The following LCMT1 variants were observed in gnomAD, a reference collection of about 807,000 sequenced individuals.
The protein encoded by LCMT1 is [Phosphatase 2A protein]-leucine-carboxy methyltransferase 1.
LCMT1 carries 32 observed loss-of-function variants against 47.7 expected under a neutral mutation model. The observed-to-expected ratio is 0.67, with a 90% confidence interval of 0.51 to 0.90. The LOEUF (loss-of-function observed/expected upper bound fraction) is 0.90, where lower values mean the gene tolerates loss of function less well. Among genes scored for constraint, LCMT1 ranks in the 40% least tolerant of loss-of-function variants. The probability of loss-of-function intolerance (pLI) is 0.00; values close to 1 mark genes in which losing one functional copy is unlikely to be tolerated. For synonymous variants in LCMT1, 152 were observed against 149.7 expected, an observed-to-expected ratio of 1.02 and a Z score of -0.11; for missense variants, 375 against 415.2, an observed-to-expected ratio of 0.90 and a Z score of 0.84.
At chr16:25,136,090 C>CAA (rs36051960) in intron 3 of LCMT1, among the ~76,000 whole-genome samples, 2,749 of 68,982 alleles carry the variant, frequency 0.04, 64 homozygotes, top group Middle Eastern at 0.046. Context: ...GATGCTGTCT[C>CAA]AAAAAAAAAA....
At chr16:25,145,365 C>T (rs1960818045) in intron 4 of LCMT1, 1 of 152,210 alleles carries the variant, frequency 6.6e-6, no homozygotes, top group South Asian at 2.1e-4. Context: ...AGGCTTAGCT[C>T]CCTGCATTCC....
At chr16:25,122,623 C>T (rs1960027132) in intron 1 of LCMT1, among the ~76,000 whole-genome samples, 1 of 151,882 alleles carries the variant, frequency 6.6e-6, no homozygotes, top group South Asian at 2.1e-4. Context: ...GCCACTGCTT[C>T]CAGCCCTTGT....
At chr16:25,137,386 G>A (rs751054009) in intron 3 of LCMT1, among the ~76,000 whole-genome samples, 3 of 152,186 alleles carry the variant, frequency 2.0e-5, no homozygotes, top group African/African-American at 7.2e-5. Context: ...GCAGGCATGG[G>A]CTATACCTCT....
chr16:25,126,838 A>G (rs2141641258), intron 1 of LCMT1, among the ~76,000 whole-genome samples: 1 of 152,322 alleles, frequency 6.6e-6, no homozygotes, highest in East Asian at 1.9e-4. Context: ...TGGTTCTTGC[A>G]CGGGATGTTA....
In LCMT1 at chr16:25,115,693, T is replaced by C. The variant is rs116758984; in HGVS notation, c.113+3697T>C. On this transcript the variant is annotated intron_variant, in intron 1 of 10. Coordinates refer to ENST00000399069, the MANE Select transcript of LCMT1 (RefSeq NM_016309.3). ...CCCCAGAAACTTTGTTTGTTTTGTT[T>C]TGAGAGGGAGTTTGGCTGTTGTTGC... Among the ~76,000 whole-genome samples the C allele has an allele frequency of 5.3e-3, 814 of 152,310 alleles. 12 individuals are homozygous for C. Among genetic ancestry groups the C allele is most frequent in the African/African-American group, 0.019 (778 of 41,554 alleles).
In LCMT1 at chr16:25,140,253, T is replaced by C. The variant is rs200277137; in HGVS notation, c.404+6T>C. 2 of 1,586,280 alleles carry C rather than the reference T, an allele frequency of 1.3e-6. No homozygotes were observed. The highest frequency in any genetic ancestry group is 4.5e-5 in the East Asian group (2 of 44,190). ...AGAAAGCTGCACAGTATCAAGTAAGTGTGGCATGGCCAGAAGAACAAAAGC... is the reference window on the plus strand; with the variant it reads ...AGAAAGCTGCACAGTATCAAGTAAGCGTGGCATGGCCAGAAGAACAAAAGC... On this transcript the variant is annotated splice_donor_region_variant and intron_variant, in intron 4 of 10. Coordinates refer to ENST00000399069, the MANE Select transcript of LCMT1 (RefSeq NM_016309.3).
chr16:25,135,441 G>C (rs1960477310), intron 3 of LCMT1, among the ~76,000 whole-genome samples: 1 of 152,126 alleles, frequency 6.6e-6, no homozygotes, highest in Non-Finnish European at 1.5e-5. Flanking sequence ...TTGTGCTTCA[G>C]CAGCCATATG....
intron 9 of LCMT1, among the ~76,000 whole-genome samples, chr16:25,173,245 C>CT (rs1961826984): frequency 6.6e-6 from 1 of 152,230 alleles, no homozygotes; most frequent in Non-Finnish European, 1.5e-5. Context: ...CATTCCTGCC[C>CT]TTGGGAGTGC....
In LCMT1 at chr16:25,111,775, C is replaced by A; in HGVS notation, c.-109C>A. 1.3e-6 allele frequency: 1 copy of A among 748,554 alleles called. No individual in the cohort carries two copies. Among genetic ancestry groups the A allele is most frequent in the Non-Finnish European group, 2.3e-6 (1 of 428,676 alleles). The allele number at this position is 748,554 out of a possible 1,614,324, so 46.4% of individuals were successfully genotyped here. A position where few individuals can be genotyped will look rare whatever the true frequency, so the allele number is the denominator to read the frequency against. Reference sequence around the variant, plus strand: ...GCCGCGCCAGCTGAGCCAGGTAGGGCCCTACCCTCTTCTGTTGCTTTCTCC... The same window carrying A: ...GCCGCGCCAGCTGAGCCAGGTAGGGACCTACCCTCTTCTGTTGCTTTCTCC... On this transcript the variant is annotated 5_prime_UTR_variant, in exon 1 of 11. Coordinates refer to ENST00000399069, the MANE Select transcript of LCMT1 (RefSeq NM_016309.3).
At chr16:25,126,221 A>G in intron 1 of LCMT1, 4 of 1,155,942 alleles carry the variant, frequency 3.5e-6, no homozygotes, top group Non-Finnish European at 4.5e-6. Flanking sequence ...ACTCTCTACC[A>G]CTGTGCACCA....
intron 4 of LCMT1, chr16:25,145,236 CT>C (rs1419496908): frequency 6.6e-6 from 1 of 152,162 alleles, no homozygotes; most frequent in Non-Finnish European, 1.5e-5. Flanking sequence ...TGGGGCTGAC[CT>C]TGTATCACCG....
chr16:25,117,456 T>G lies in LCMT1; in HGVS notation c.113+5460T>G, dbSNP rs181786740. On this transcript the variant is annotated intron_variant, in intron 1 of 10. Coordinates refer to ENST00000399069, the MANE Select transcript of LCMT1 (RefSeq NM_016309.3). ...ACATCTCCACTTGGATGTCCCAGTA[T>G]TACCTCCAGTTCACTATTTCCAAAA... Among the ~76,000 whole-genome samples, 3 of 152,324 alleles carry G rather than the reference T, an allele frequency of 2.0e-5. No homozygotes were observed. The East Asian group carries it at 5.8e-4, about 29-fold the overall frequency.
At chr16:25,153,463 T>A (rs531712785) in intron 5 of LCMT1, among the ~76,000 whole-genome samples, 1 of 147,210 alleles carries the variant, frequency 6.8e-6, no homozygotes, top group East Asian at 2.1e-4. Context: ...GGGTGCAGAC[T>A]CAGAACACAC....
intron 7 of LCMT1, 59 bp downstream of exon 7, chr16:25,164,777 TC>T (rs1961538040): frequency 6.2e-7 from 1 of 1,609,620 alleles, no homozygotes; most frequent in African/African-American, 1.3e-5. Context: ...GGCTTCCCTC[TC>T]CCAGCACCCT....
At chr16:25,162,644 A>G (rs1306980884) in intron 6 of LCMT1, among the ~76,000 whole-genome samples, 1 of 152,058 alleles carries the variant, frequency 6.6e-6, no homozygotes, top group African/African-American at 2.4e-5. Context: ...TGTGAATACT[A>G]ATAGAACCCA....
intron 6 of LCMT1, 59 bp from the exon 7 acceptor site, chr16:25,164,539 T>A: frequency 6.2e-7 from 1 of 1,609,924 alleles, no homozygotes; most frequent in Non-Finnish European, 8.5e-7. Context: ...ATGTGTACAA[T>A]TAGAGGGTCC....
chr16:25,165,417 A>T (rs1961558130), intron 7 of LCMT1, among the ~76,000 whole-genome samples: 1 of 152,110 alleles, frequency 6.6e-6, no homozygotes, highest in African/African-American at 2.4e-5. Context: ...AGCACAGCTT[A>T]GTGATTGGGA....
chr16:25,161,505 C>T (rs1235923663), intron 6 of LCMT1, among the ~76,000 whole-genome samples: 5 of 151,966 alleles, frequency 3.3e-5, no homozygotes, highest in Admixed American at 1.3e-4. Context: ...TACAGGCATG[C>T]GCCACCATGC....
chr16:25,120,728 CTTGTTTTT>C (rs1480824983), intron 1 of LCMT1, among the ~76,000 whole-genome samples: 14 of 145,094 alleles, frequency 9.6e-5, no homozygotes, highest in Non-Finnish European at 1.9e-4. Context: ...CGCACCTGGC[CTTGTTTTT>C]TTGTTTTTTT....
Sources: gnomAD v4.1 joint callset for allele counts (sites outside exome capture counted in the v4.1 genomes callset) on GRCh38, gnomAD v4.1.1 for gene constraint, MANE v1.5 for transcripts, NCBI Gene and HGNC (gene_info 2026-07-23, HGNC 2026-07-21) for gene names.